Variants in DIAPH1 observed in about 807,000 individuals in gnomAD.
DIAPH1 encodes the protein diaphanous related formin 1.
Under a neutral mutation model 140.7 loss-of-function variants are expected in DIAPH1, and 46 were observed. That is an observed-to-expected ratio of 0.33 (90% CI 0.26 to 0.42). DIAPH1 has a LOEUF of 0.42. Among genes scored for constraint, DIAPH1 ranks in the 10% least tolerant of loss-of-function variants. DIAPH1 has a pLI of 1.00. For missense variants in DIAPH1, 1,310 were observed against 1,558.7 expected (o/e 0.84, Z 2.69); for synonymous variants, 565 against 551.6 (o/e 1.02, Z -0.34).
intron 1 of DIAPH1, among the ~76,000 whole-genome samples, chr5:141,594,356 T>TA (rs2099898968): frequency 1.3e-5 from 2 of 152,188 alleles, no homozygotes; most frequent in Admixed American, 1.3e-4. Context: ...AACAGGTAAC[T>TA]AAACCATGGC....
chr5:141,586,986 C>T, intron 3 of DIAPH1, 56 bp downstream of exon 3: 1 of 1,592,050 alleles, frequency 6.3e-7, no homozygotes, highest in Admixed American at 1.7e-5. Context: ...CAAAAAGAGC[C>T]CACCATGTCC....
At chr5:141,576,616 T>C (rs1400805416) in intron 13 of DIAPH1, 140 bp downstream of exon 13, 1 of 708,450 alleles carries the variant, frequency 1.4e-6, no homozygotes, top group Non-Finnish European at 2.6e-6. Flanking sequence ...GCAAAGATGC[T>C]GGTTATGACC....
At chr5:141,549,556 C>T (rs553194259) in intron 18 of DIAPH1, among the ~76,000 whole-genome samples, 1 of 152,190 alleles carries the variant, frequency 6.6e-6, no homozygotes, top group South Asian at 2.1e-4. Flanking sequence ...CATGTTAGAA[C>T]AATGTACCCA....
chr5:141,590,459 C>G (rs2099898223), intron 1 of DIAPH1, among the ~76,000 whole-genome samples: 2 of 152,140 alleles, frequency 1.3e-5, no homozygotes, highest in African/African-American at 4.8e-5. Flanking sequence ...CCCAAGACAA[C>G]CAACAACATA....
At chr5:141,560,734 T>C in intron 18 of DIAPH1, 1 of 398,590 alleles carries the variant, frequency 2.5e-6, no homozygotes, top group Non-Finnish European at 5.0e-6. Context: ...CCATTCTCCA[T>C]AACAAAGGAT....
At position 141,618,866 on chromosome 5, in the gene DIAPH1, T is replaced by C; in HGVS notation, c.49A>G (p.Lys17Glu). ...SLGPGRGTRD[K>E]KKGRSPDELP... The stretch of plus-strand genomic sequence containing the variant: ...TCATCTGGGCTCCGGCCCTTCTTCT[T>C]GTCCCGGGTCCCGCGGCCGGGCCCC... The change falls in exon 1 of 28, where the codon AAG becomes GAG. Residue 17 changes from lysine to glutamate, a missense_variant. Transcript: ENST00000389054. The C allele has an allele frequency of 2.6e-6, 4 of 1,526,688 alleles. No individual in the cohort carries two copies. Among genetic ancestry groups the C allele is most frequent in the Non-Finnish European group, 3.5e-6 (4 of 1,136,968 alleles). 94.6% of individuals were successfully genotyped at this position (1,526,688 alleles called of 1,614,324 possible).
In DIAPH1 at chr5:141,526,146, G is replaced by A. The variant is rs750111294; in HGVS notation, c.3466C>T (p.Arg1156Trp). The A allele has an allele frequency of 1.1e-5, 18 of 1,613,912 alleles. No individual in the cohort carries two copies. Among genetic ancestry groups the A allele is most frequent in the South Asian group, 5.5e-5 (5 of 91,068 alleles). Reference sequence around the variant, plus strand: ...CGCCTCATCTTTTCTTCTGTCTCCCGCCGCTTCTGGTTCTCCTTGACTGCT... The same window carrying A: ...CGCCTCATCTTTTCTTCTGTCTCCCACCGCTTCTGGTTCTCCTTGACTGCT... ...LQAVKENQKR[R>W]ETEEKMRRAK... Residue 1156 changes from arginine to tryptophan, a missense_variant, in exon 26 of 28, where the codon CGG (arginine) becomes TGG (tryptophan). Physicochemically the swap from Arg to Trp is moderately radical, Grantham distance 101 (BLOSUM62 -3). Coordinates refer to ENST00000389054, the MANE Select transcript of DIAPH1 (RefSeq NM_005219.5).
At chr5:141,613,611 G>A (rs1477783995) in intron 1 of DIAPH1, among the ~76,000 whole-genome samples, 1 of 152,142 alleles carries the variant, frequency 6.6e-6, no homozygotes, top group Admixed American at 6.6e-5. Flanking sequence ...ACCATTCACA[G>A]TAAGATTTAA....
chr5:141,515,214 C>G lies in DIAPH1; in HGVS notation c.*1637G>C, dbSNP rs531768148. The G allele has an allele frequency of 1.5e-3, 225 of 152,448 alleles. 1 individual carries two copies. The highest frequency in any genetic ancestry group is 5.2e-3 in the African/African-American group (216 of 41,508). The allele number at this position is 152,448 out of a possible 1,614,324, so 9.4% of individuals were successfully genotyped here. ...AAGAAAGGGTCAAAGCCCCAGATGT[C>G]AGCGAGCAGGGAGGAGGTGACCCAG... On this transcript the variant is annotated 3_prime_UTR_variant, in exon 28 of 28. Coordinates refer to ENST00000389054, the MANE Select transcript of DIAPH1 (RefSeq NM_005219.5).
rs1369045900 is a variant in DIAPH1, at chr5:141,614,092, G to GT, written c.117+4705dup. The stretch of plus-strand genomic sequence containing the variant: ...TTTTGCCTACTGCTTTCAAACAAAG[G>GT]TAATTGAGAAAAGGAGGCTCAATGA... On this transcript the variant is annotated intron_variant, in intron 1 of 27. Transcript: ENST00000389054. Among the ~76,000 whole-genome samples the GT allele has an allele frequency of 5.6e-4, 86 of 152,246 alleles. 1 individual carries two copies. The highest frequency in any genetic ancestry group is 1.6e-3 in the African/African-American group (65 of 41,544).
At chr5:141,553,443 C>T (rs891693315) in intron 18 of DIAPH1, among the ~76,000 whole-genome samples, 3 of 150,924 alleles carry the variant, frequency 2.0e-5, no homozygotes, top group African/African-American at 2.4e-5. Context: ...AGTTCGAGAC[C>T]GGCCTGCCCA....
intron 26 of DIAPH1, among the ~76,000 whole-genome samples, chr5:141,525,509 T>C (rs1483526223): frequency 2.0e-5 from 3 of 152,172 alleles, no homozygotes; most frequent in Non-Finnish European, 4.4e-5. Context: ...ACAGAGATTC[T>C]GCTGAAGAAA....
chr5:141,531,908 T>C (rs966208053), intron 19 of DIAPH1, among the ~76,000 whole-genome samples: 2 of 152,188 alleles, frequency 1.3e-5, no homozygotes, highest in African/African-American at 4.8e-5. Flanking sequence ...TAGTCTCCCC[T>C]TACCTTAGCA....
chr5:141,537,484 A>G (rs1189059302), intron 18 of DIAPH1, among the ~76,000 whole-genome samples: 2 of 58,982 alleles, frequency 3.4e-5, no homozygotes, highest in Non-Finnish European at 8.7e-5. Flanking sequence ...ACTCCGTCTC[A>G]AAAAAAAAAA....
At chr5:141,538,758 G>C (rs1276447489) in intron 18 of DIAPH1, among the ~76,000 whole-genome samples, 1 of 151,998 alleles carries the variant, frequency 6.6e-6, no homozygotes, top group Admixed American at 6.6e-5. Context: ...TATATTTCTT[G>C]TAGAGACACA....
At chr5:141,570,720 A>G (rs912025568) in intron 18 of DIAPH1, among the ~76,000 whole-genome samples, 3 of 152,056 alleles carry the variant, frequency 2.0e-5, no homozygotes, top group African/African-American at 7.2e-5. Context: ...CTCTAAACAA[A>G]CAAAAATGCT....
At chr5:141,566,762 G>A (rs2099894433) in intron 18 of DIAPH1, among the ~76,000 whole-genome samples, 1 of 152,076 alleles carries the variant, frequency 6.6e-6, no homozygotes, top group African/African-American at 2.4e-5. Flanking sequence ...AGGTGTGGTG[G>A]TGCACACCTG....
chr5:141,572,362 T>C (rs1596377008), intron 16 of DIAPH1, among the ~76,000 whole-genome samples: 1 of 152,232 alleles, frequency 6.6e-6, no homozygotes, highest in African/African-American at 2.4e-5. Flanking sequence ...TCCCACCAGT[T>C]TGGCTAACTG....
intron 18 of DIAPH1, among the ~76,000 whole-genome samples, chr5:141,554,657 T>C (rs1386143746): frequency 6.6e-6 from 1 of 152,164 alleles, no homozygotes; most frequent in Non-Finnish European, 1.5e-5. Context: ...AAATTCCTAA[T>C]AGCAAAGTGA....
Sources: gnomAD v4.1 joint callset for allele counts (sites outside exome capture counted in the v4.1 genomes callset) on GRCh38, gnomAD v4.1.1 for gene constraint, MANE v1.5 for transcripts, NCBI Gene and HGNC (gene_info 2026-07-23, HGNC 2026-07-21) for gene names.